REV1: variants seen among roughly 807,000 people sequenced by gnomAD.
REV1 encodes the protein translesion synthesis protein REV1.
REV1 carries 42 observed loss-of-function variants against 137.4 expected under a neutral mutation model. The observed-to-expected ratio is 0.31, with a 90% CI of 0.24 to 0.40. The LOEUF is 0.40. Ranked by LOEUF, REV1 falls within the 10% of genes least tolerant of loss-of-function variation. REV1 has a pLI of 1.00. For synonymous variants in REV1, 524 were observed against 519.2 expected (o/e 1.01, Z -0.12); for missense variants, 1,282 against 1,490.1 (o/e 0.86, Z 2.30).
chr2:99,451,487 A>T (rs1487801220), intron 3 of REV1: 39 of 1,303,936 alleles, frequency 3.0e-5, no homozygotes, highest in Middle Eastern at 2.1e-4. Context: ...TGTGAAGTGA[A>T]GCATGAAAAC....
intron 4 of REV1, among the ~76,000 whole-genome samples, chr2:99,447,439 G>C (rs1682366503): frequency 6.6e-6 from 1 of 152,140 alleles, no homozygotes; most frequent in Admixed American, 6.5e-5. Flanking sequence ...CAAAGTGCTG[G>C]GATTACAGGC....
At position 99,401,205 on chromosome 2, in the gene REV1, A is replaced by G. The variant is rs1423035648; in HGVS notation, c.*36T>C. On this transcript the variant is annotated 3_prime_UTR_variant, in exon 23 of 23. Coordinates refer to ENST00000258428, the MANE Select transcript of REV1 (RefSeq NM_016316.4). The stretch of plus-strand genomic sequence containing the variant: ...CAAATACCTCACAAGCACTTATGGC[A>G]CAGCTATCAGAGAGCATCAGGCTCT... 1 of 1,295,742 alleles carries G rather than the reference A, an allele frequency of 7.7e-7. No homozygotes were observed. The highest frequency in any genetic ancestry group is 1.2e-5 in the South Asian group (1 of 84,124). The allele number at this position is 1,295,742 out of a possible 1,614,324, so 80.3% of individuals were successfully genotyped here.
intron 1 of REV1, among the ~76,000 whole-genome samples, chr2:99,477,461 A>G (rs1686110141): frequency 6.6e-6 from 1 of 152,194 alleles, no homozygotes; most frequent in African/African-American, 2.4e-5. Flanking sequence ...CGGACTGCCT[A>G]TCTACCTCTG....
At chr2:99,478,572 A>T (rs905692333) in intron 1 of REV1, among the ~76,000 whole-genome samples, 1 of 152,256 alleles carries the variant, frequency 6.6e-6, no homozygotes, top group Non-Finnish European at 1.5e-5. Flanking sequence ...TTATCTGTAG[A>T]AAAGTTCAAG....
At chr2:99,465,049 TATTTC>T in intron 1 of REV1, 64 bp from the exon 2 acceptor site, 1 of 1,262,158 alleles carries the variant, frequency 7.9e-7, no homozygotes, top group Non-Finnish European at 1.1e-6. Flanking sequence ...AATGATATTT[TATTTC>T]AATATCAAGA....
rs1028275987 is a variant in REV1, at chr2:99,449,517, T to A, written c.182-13A>T. The A allele has an allele frequency of 1.5e-6, 2 of 1,338,850 alleles. No homozygotes were observed. Among genetic ancestry groups the A allele is most frequent in the South Asian group, 1.9e-5 (1 of 52,024 alleles). 82.9% of individuals were successfully genotyped at this position (1,338,850 alleles called of 1,614,324 possible). ...TCAGCGGAAGGATCTGCAAAATTTA[T>A]ATTAAAATATATTAAGAGTCTTATG... On this transcript the variant is annotated splice_polypyrimidine_tract_variant and intron_variant, in intron 3 of 22. Transcript: ENST00000258428.
intron 9 of REV1, 62 bp from the exon 10 acceptor site, chr2:99,424,342 C>A: frequency 6.5e-7 from 1 of 1,532,234 alleles, no homozygotes; most frequent in South Asian, 1.2e-5. Flanking sequence ...AAATATTTAT[C>A]AAATATGTTG....
At chr2:99,490,069 G>T (rs1389924379), upstream of REV1, 27 of 44,058 alleles carry the variant, frequency 6.1e-4, no homozygotes, top group Admixed American at 5.7e-3. Context: ...GCCCCCTAGC[G>T]TTCCGCGCGC....
At chr2:99,474,465 C>G (rs1319812272) in intron 1 of REV1, among the ~76,000 whole-genome samples, 1 of 152,134 alleles carries the variant, frequency 6.6e-6, no homozygotes, top group South Asian at 2.1e-4. Flanking sequence ...CTGAAGTAAC[C>G]TAACACAATT....
In REV1 at chr2:99,402,793, A is replaced by C. The variant is rs41280589; in HGVS notation, c.3392T>G (p.Leu1131Arg). The change falls in exon 21 of 23, where the codon CTC becomes CGC. Residue 1131 changes from leucine (L) to arginine (R), a missense_variant. This residue lies in a region of REV1 where 170 missense variants were observed against 156.8 expected (regional missense o/e 1.08). Transcript: ENST00000258428. Reference sequence around the variant, plus strand: ...TGGCACACCTGAAGTAGAAGCAGAGAGTTCTTCCTGTTAAGAAAACAAAGG... The same window carrying C: ...TGGCACACCTGAAGTAGAAGCAGAGCGTTCTTCCTGTTAAGAAAACAAAGG... ...GPPAEKPLEE[L>R]SASTSGVPGL... The C allele has an allele frequency of 3.1e-6, 5 of 1,614,054 alleles. 1 individual carries two copies. Among genetic ancestry groups the C allele is most frequent in the South Asian group, 1.1e-5 (1 of 91,076 alleles).
At position 99,462,529 on chromosome 2, in the gene REV1, T is replaced by C. The variant is rs777527018; in HGVS notation, c.148A>G (p.Ser50Gly). 2 of 1,613,560 alleles carry C rather than the reference T, an allele frequency of 1.2e-6. No individual in the cohort carries two copies. Among genetic ancestry groups the C allele is most frequent in the Non-Finnish European group, 1.7e-6 (2 of 1,179,804 alleles). Residue 50 changes from serine (S) to glycine (G), a missense_variant, in exon 3 of 23, where the codon AGT (serine) becomes GGT (glycine). Ser to Gly is a moderately conservative substitution (Grantham distance 56). Around this residue, in one of 7 missense-constraint regions of REV1, gnomAD observed 107 missense variants for 164.3 expected, o/e 0.65. Transcript: ENST00000258428. ...QKDGTSSTIF[S>G]GVAIYVNGYT... ...CCATTAACATAGATGGCAACTCCAC[T>C]AAAAATTGTAGATGAAGTCCCATCC...
chr2:99,435,464 G>C (rs1680622387), intron 7 of REV1: 1 of 156,352 alleles, frequency 6.4e-6, no homozygotes, highest in Non-Finnish European at 1.4e-5. Context: ...AGTTAATCAA[G>C]TTATTTGCTC....
intron 3 of REV1, among the ~76,000 whole-genome samples, chr2:99,461,437 T>C (rs1268553912): frequency 1.3e-5 from 2 of 152,160 alleles, no homozygotes; most frequent in Non-Finnish European, 2.9e-5. Context: ...CAGGGAGCCA[T>C]AGCTCCAGAA....
intron 1 of REV1, among the ~76,000 whole-genome samples, chr2:99,486,388 G>A (rs1467165672): frequency 2.0e-5 from 3 of 152,114 alleles, no homozygotes; most frequent in African/African-American, 4.8e-5. Flanking sequence ...AATTAGCCGG[G>A]CGTGGTGGCA....
At position 99,479,384 on chromosome 2, in the gene REV1, C is replaced by T. The variant is rs532855163; in HGVS notation, c.-11+10433G>A. Among the ~76,000 whole-genome samples the T allele has an allele frequency of 4.6e-5, 7 of 151,920 alleles. No homozygotes were observed. In the East Asian group the frequency reaches 1.4e-3, roughly 29 times the overall value. ...GCAACAAAATCTCGCCTGTCCTGCC[C>T]CCCACTTCCCCTTACCCCAAATTCC... On this transcript the variant is annotated intron_variant, in intron 1 of 22. Coordinates refer to ENST00000258428, the MANE Select transcript of REV1 (RefSeq NM_016316.4).
intron 1 of REV1, among the ~76,000 whole-genome samples, chr2:99,488,806 T>C (rs1484556178): frequency 6.6e-6 from 1 of 152,212 alleles, no homozygotes; most frequent in Non-Finnish European, 1.5e-5. Context: ...TCTCGGAGAC[T>C]AAAGTGCCAA....
chr2:99,463,243 G>C (rs959207888), intron 2 of REV1, among the ~76,000 whole-genome samples: 1 of 151,900 alleles, frequency 6.6e-6, no homozygotes, highest in African/African-American at 2.4e-5. Flanking sequence ...ATACTGGCTG[G>C]GCACAGTGGC....
At chr2:99,401,994 G>A (rs1165241686) in intron 22 of REV1, among the ~76,000 whole-genome samples, 5 of 152,216 alleles carry the variant, frequency 3.3e-5, no homozygotes, top group African/African-American at 7.2e-5. Context: ...CCAGCCTCCC[G>A]AAGTGAAGTA....
Position 99,438,640 on chromosome 2 carries a change from T to C in REV1, c.1174A>G (p.Met392Val). The C allele has an allele frequency of 6.2e-7, 1 of 1,610,228 alleles. No individual in the cohort carries two copies. The highest frequency in any genetic ancestry group is 8.5e-7 in the Non-Finnish European group (1 of 1,177,172). ...ACAAGTGCAGACCTGCCTGTTTTCA[T>C]TTTTTTTAACTTTTCCCTTCCTGGA... is the stretch of plus-strand genomic sequence containing the variant. ...IFPGREKLKK[M>V]KTGRSALVVT... is the part of the protein sequence containing the mutation. Residue 392 changes from methionine (M) to valine (V), a missense_variant, in exon 6 of 23, where the codon ATG (methionine) becomes GTG (valine). Met to Val is a conservative substitution (Grantham distance 21). Coordinates refer to ENST00000258428, the MANE Select transcript of REV1 (RefSeq NM_016316.4).
Sources: allele counts gnomAD v4.1 joint callset (sites outside exome capture counted in the v4.1 genomes callset), GRCh38; gene constraint gnomAD v4.1.1; regional missense constraint gnomAD v4.1.1; transcripts MANE v1.5; gene names NCBI Gene and HGNC (gene_info 2026-07-23, HGNC 2026-07-21).